The following GPR137B variants were observed in gnomAD, a reference collection of about 807,000 sequenced individuals.
GPR137B encodes G protein-coupled receptor 137B, also known as integral membrane protein GPR137B.
A neutral mutation model predicts 42.5 loss-of-function variants in GPR137B; 42 were observed. That is an observed-to-expected ratio of 0.99 (90% CI 0.77 to 1.28). The LOEUF (loss-of-function observed/expected upper bound fraction) is 1.28. GPR137B is among the 50% of genes most tolerant of loss of function. The pLI, the probability that GPR137B is intolerant of heterozygous loss-of-function variation, is 0.00. For missense variants in GPR137B, 487 were observed against 493.9 expected (o/e 0.99, Z 0.13); for synonymous variants, 218 against 209.7 (o/e 1.04, Z -0.34).
chr1:236,181,181 A>G (rs1443026990), intron 4 of GPR137B, among the ~76,000 whole-genome samples: 1 of 152,210 alleles, frequency 6.6e-6, no homozygotes, highest in East Asian at 1.9e-4. Context: ...TTGTTGCAAT[A>G]TGATACTCTT....
chr1:236,188,840 G>A (rs951653831), intron 5 of GPR137B, among the ~76,000 whole-genome samples: 1 of 152,190 alleles, frequency 6.6e-6, no homozygotes, highest in African/African-American at 2.4e-5. Context: ...CTCATAAAAT[G>A]AGTCAGGGAG....
At chr1:236,165,942 C>G (rs539561979) in intron 1 of GPR137B, among the ~76,000 whole-genome samples, 36 of 152,294 alleles carry the variant, frequency 2.4e-4, no homozygotes, top group African/African-American at 7.9e-4. Context: ...AGCATATGAA[C>G]ATTTATGTAT....
chr1:236,169,637 AAGTT>A (rs1224943173), intron 2 of GPR137B, among the ~76,000 whole-genome samples: 1 of 151,994 alleles, frequency 6.6e-6, no homozygotes, highest in African/African-American at 2.4e-5. Flanking sequence ...GGAACCTCTT[AAGTT>A]ATGTGAGGAG....
At position 236,199,767 on chromosome 1, in the gene GPR137B, A is replaced by G. The variant is rs535399201; in HGVS notation, c.967-5359A>G. The stretch of plus-strand genomic sequence containing the variant: ...TCTGTCTTCTTGGTTAATCTCACTA[A>G]TGGTCTATCAATTTTGTTTATCTTT... On this transcript the variant is annotated intron_variant, in intron 5 of 6. Transcript: ENST00000366592. 3.9e-4 allele frequency among the ~76,000 whole-genome samples: 59 copies of G among 151,772 alleles called. 1 individual carries two copies. In the South Asian group the frequency reaches 0.011, roughly 29 times the overall value.
intron 1 of GPR137B, among the ~76,000 whole-genome samples, chr1:236,151,910 T>G (rs985548607): frequency 8.5e-5 from 13 of 152,172 alleles, no homozygotes; most frequent in African/African-American, 3.1e-4. Flanking sequence ...GAGGTCATGT[T>G]GTCCCATCAG....
Position 236,183,882 on chromosome 1 carries a change from A to G in GPR137B, c.942A>G (p.Arg314=), listed in dbSNP as rs1414843702. ...CCACCTTAGTCGTTTATTTCTTCCGAGTTAGAAATCCTACAAAGGACCTTG... is the reference window on the plus strand; with the variant it reads ...CCACCTTAGTCGTTTATTTCTTCCGGGTTAGAAATCCTACAAAGGACCTTG... ...LPTTLVVYFF[R]VRNPTKDLTN... The change falls in exon 5 of 7, where the codon CGA becomes CGG. Residue 314 remains arginine, a synonymous_variant. Coordinates refer to ENST00000366592, the MANE Select transcript of GPR137B (RefSeq NM_003272.4). 6.2e-7 allele frequency: 1 copy of G among 1,608,800 alleles called. No homozygotes were observed.
Position 236,142,629 on chromosome 1 carries a change from C to T in GPR137B, c.7C>T (p.Pro3Ser). The change falls in exon 1 of 7, where the codon CCC becomes TCC. Residue 3 changes from proline (P) to serine (S), a missense_variant. Physicochemically the swap from Pro to Ser is moderately conservative, Grantham distance 74 (BLOSUM62 -1). Transcript: ENST00000366592. The stretch of plus-strand genomic sequence containing the variant: ...GCGGCGGCCGTGAGCCCCGATGAGG[C>T]CCGAGCGTCCCCGGCCGCGCGGCAG... MR[P>S]ERPRPRGSAP... 1.4e-6 allele frequency: 2 copies of T among 1,465,938 alleles called. No homozygotes were observed. The highest frequency in any genetic ancestry group is 9.0e-7 in the Non-Finnish European group (1 of 1,117,290). The allele number at this position is 1,465,938 out of a possible 1,614,324, so 90.8% of individuals were successfully genotyped here. A position where few individuals can be genotyped will look rare whatever the true frequency, so the allele number is the denominator to read the frequency against.
chr1:236,205,347 T>C, intron 6 of GPR137B, 97 bp downstream of exon 6: 1 of 1,035,294 alleles, frequency 9.7e-7, no homozygotes, highest in Non-Finnish European at 1.4e-6. Flanking sequence ...ACGTTAAAAC[T>C]GTGCAGCCTT....
chr1:236,183,171 C>T (rs542020602), intron 4 of GPR137B, among the ~76,000 whole-genome samples: 3 of 152,298 alleles, frequency 2.0e-5, no homozygotes, highest in Non-Finnish European at 4.4e-5. Context: ...GGGCCTCATA[C>T]CAAACACCTT....
chr1:236,161,758 T>A (rs933767611), intron 1 of GPR137B, among the ~76,000 whole-genome samples: 3 of 152,194 alleles, frequency 2.0e-5, no homozygotes, highest in Non-Finnish European at 2.9e-5. Flanking sequence ...CTCCTCATTT[T>A]TTTTCTCTTG....
intron 1 of GPR137B, among the ~76,000 whole-genome samples, chr1:236,154,415 C>T (rs975497166): frequency 3.9e-5 from 6 of 151,976 alleles, no homozygotes; most frequent in Admixed American, 2.0e-4. Context: ...GTCAGCTAGT[C>T]CCAGTTTTTT....
rs368577090 is a variant in GPR137B, at chr1:236,170,697, C to T, written c.464+1942C>T. Among the ~76,000 whole-genome samples the T allele has an allele frequency of 2.2e-4, 34 of 152,096 alleles. No individual in the cohort carries two copies. The South Asian group carries it at 4.6e-3, about 20-fold the overall frequency. On this transcript the variant is annotated intron_variant, in intron 2 of 6. Transcript: ENST00000366592. ...TTTTGAAATATTTGCATATACAGGC[C>T]GGGCACGGTGGCTCACTCCTGTAAT...
chr1:236,185,388 G>T (rs565902787), intron 5 of GPR137B, among the ~76,000 whole-genome samples: 1 of 152,316 alleles, frequency 6.6e-6, no homozygotes, highest in African/African-American at 2.4e-5. Context: ...TACTCAAAGT[G>T]CGGCTCTTTA....
Position 236,178,449 on chromosome 1 carries a change from TTGTTTTCC to T in GPR137B, c.505_512del (p.Phe169GlyfsTer27). 1 of 1,613,926 alleles carries T rather than the reference TTGTTTTCC, an allele frequency of 6.2e-7. No homozygotes were observed. The highest frequency in any genetic ancestry group is 8.5e-7 in the Non-Finnish European group (1 of 1,179,968). On this transcript the variant is annotated frameshift_variant, in exon 3 of 7. Transcript: ENST00000366592. LOFTEE classifies it high-confidence loss of function. ...TACCTGGCCTCCCTCTTCATCAGCC[TTGTTTTCC>T]TGTTGGTGAATTTAACCTGTGCTGT...
intron 3 of GPR137B, 134 bp downstream of exon 3, chr1:236,178,770 CAG>C (rs1411442289): frequency 4.2e-5 from 10 of 237,638 alleles, no homozygotes; most frequent in East Asian, 1.5e-4. Flanking sequence ...GTCTCCCACA[CAG>C]GGGCTACTCG....
intron 6 of GPR137B, 149 bp from the exon 7 acceptor site, chr1:236,207,901 G>A (rs1663708021): frequency 1.6e-6 from 1 of 609,532 alleles, no homozygotes; most frequent in Non-Finnish European, 2.9e-6. Flanking sequence ...GCATGGTTTT[G>A]TGGGAAAATG....
chr1:236,166,526 T>TA (rs1441067758), intron 1 of GPR137B, among the ~76,000 whole-genome samples: 1 of 142,954 alleles, frequency 7.0e-6, no homozygotes, highest in African/African-American at 2.8e-5. Context: ...ATTATATATA[T>TA]TTATATATAT....
At chr1:236,165,326 A>C (rs1662321155) in intron 1 of GPR137B, among the ~76,000 whole-genome samples, 2 of 152,214 alleles carry the variant, frequency 1.3e-5, no homozygotes, top group South Asian at 2.1e-4. Context: ...AAAATGACTG[A>C]TTTAACATCA....
intron 2 of GPR137B, among the ~76,000 whole-genome samples, chr1:236,176,125 G>T (rs1662677299): frequency 6.6e-6 from 1 of 152,178 alleles, no homozygotes; most frequent in South Asian, 2.1e-4. Flanking sequence ...ACAGTCTGGT[G>T]GGGAAGAGGT....
Sources: allele counts gnomAD v4.1 joint callset (sites outside exome capture counted in the v4.1 genomes callset), GRCh38; gene constraint gnomAD v4.1.1; transcripts MANE v1.5; gene names NCBI Gene and HGNC (gene_info 2026-07-23, HGNC 2026-07-21).